The following SLC24A3 variants were observed in gnomAD, a reference collection of about 807,000 sequenced individuals.
The protein encoded by SLC24A3 is solute carrier family 24 member 3.
SLC24A3 carries 28 observed loss-of-function variants against 75.8 expected under a neutral mutation model. That is an observed-to-expected ratio of 0.37 (90% CI 0.27 to 0.51). The LOEUF (loss-of-function observed/expected upper bound fraction) is 0.51, where lower values mean the gene tolerates loss of function less well. SLC24A3 is among the 20% of genes least tolerant of loss of function. The pLI is 0.94. For synonymous variants in SLC24A3, 372 were observed against 334.1 expected (o/e 1.11, Z -1.24); for missense variants, 663 against 847.8 (o/e 0.78, Z 2.71).
Position 19,667,506 on chromosome 20 carries a change from C to T in SLC24A3, c.713+1617C>T, listed in dbSNP as rs529843863. Reference sequence around the variant, plus strand: ...CCGCCTTAGCAAACAGTAGGTGCTTCAACGTTGCTCAGTGGTGCTAGTCTT... The same window carrying T: ...CCGCCTTAGCAAACAGTAGGTGCTTTAACGTTGCTCAGTGGTGCTAGTCTT... On this transcript the variant is annotated intron_variant, in intron 8 of 16. Coordinates refer to ENST00000328041, the MANE Select transcript of SLC24A3 (RefSeq NM_020689.4). Among the ~76,000 whole-genome samples, 3 of 152,336 alleles carry T rather than the reference C, an allele frequency of 2.0e-5. No individual in the cohort carries two copies. In the South Asian group the frequency reaches 6.2e-4, roughly 32 times the overall value.
chr20:19,580,125 T>A, intron 4 of SLC24A3, 51 bp downstream of exon 4: 2 of 1,505,676 alleles, frequency 1.3e-6, no homozygotes, highest in Non-Finnish European at 1.8e-6. Flanking sequence ...GGACTGGACC[T>A]GTGCCCTGTA....
At chr20:19,342,387 A>T (rs1985291325) in intron 2 of SLC24A3, among the ~76,000 whole-genome samples, 1 of 152,256 alleles carries the variant, frequency 6.6e-6, no homozygotes, top group Non-Finnish European at 1.5e-5. Context: ...CAGTGTTCCA[A>T]AAATCAGGTC....
At chr20:19,602,595 C>G (rs2031541469) in intron 6 of SLC24A3, among the ~76,000 whole-genome samples, 1 of 152,194 alleles carries the variant, frequency 6.6e-6, no homozygotes. Context: ...AGAATCCAAG[C>G]CATAACACAC....
rs113827235 is a variant in SLC24A3 at position 19,384,580 on chromosome 20, G to A, written c.271+103493G>A. ...CTTTTCTTTACCTATTCATCTGTAG[G>A]TAGATGGACACTTAGGTTGATTCAG... On this transcript the variant is annotated intron_variant, in intron 2 of 16. Coordinates refer to ENST00000328041, the MANE Select transcript of SLC24A3 (RefSeq NM_020689.4). Among the ~76,000 whole-genome samples the A allele has an allele frequency of 5.4e-3, 824 of 152,190 alleles. 5 individuals are homozygous for A. The highest frequency in any genetic ancestry group is 0.019 in the African/African-American group (793 of 41,508).
chr20:19,633,444 T>C (rs1279171726), intron 6 of SLC24A3, among the ~76,000 whole-genome samples: 1 of 151,800 alleles, frequency 6.6e-6, no homozygotes, highest in Non-Finnish European at 1.5e-5. Context: ...GGTCAGGAGA[T>C]CGAGACCATC....
chr20:19,322,859 A>G (rs958851429), intron 2 of SLC24A3, among the ~76,000 whole-genome samples: 1 of 152,214 alleles, frequency 6.6e-6, no homozygotes, highest in African/African-American at 2.4e-5. Flanking sequence ...GACGGTAGAC[A>G]TAAAGACAGT....
chr20:19,431,853 T>C (rs1682508981), intron 2 of SLC24A3, among the ~76,000 whole-genome samples: 1 of 150,888 alleles, frequency 6.6e-6, no homozygotes, highest in Non-Finnish European at 1.5e-5. Context: ...CACCGAGAAA[T>C]GTCAGGGTTT....
chr20:19,618,312 G>T (rs1484628868), intron 6 of SLC24A3, among the ~76,000 whole-genome samples: 1 of 152,186 alleles, frequency 6.6e-6, no homozygotes, highest in Non-Finnish European at 1.5e-5. Flanking sequence ...ACTTCTGGAG[G>T]CTGGAAGTCT....
At chr20:19,582,781 C>T (rs533637693) in intron 4 of SLC24A3, among the ~76,000 whole-genome samples, 1 of 152,306 alleles carries the variant, frequency 6.6e-6, no homozygotes, top group East Asian at 1.9e-4. Context: ...GGGAGAGAGG[C>T]ATTTCAGGAA....
rs187083112 is a variant in SLC24A3 at position 19,468,348 on chromosome 20, A to G, written c.272-47140A>G. Reference sequence around the variant, plus strand: ...ATGTGGCAAGGATGGGGGAGCTGTCAGAGGAAAGCTCTCAAAAAGCCAAGG... The same window carrying G: ...ATGTGGCAAGGATGGGGGAGCTGTCGGAGGAAAGCTCTCAAAAAGCCAAGG... On this transcript the variant is annotated intron_variant, in intron 2 of 16. Transcript: ENST00000328041. 2.0e-3 allele frequency among the ~76,000 whole-genome samples: 308 copies of G among 152,190 alleles called. 2 individuals are homozygous for G. Among genetic ancestry groups the G allele is most frequent in the African/African-American group, 7.2e-3 (301 of 41,526 alleles).
In SLC24A3 at chr20:19,567,914, A is replaced by C. The variant is rs191421831; in HGVS notation, c.349-12086A>C. Among the ~76,000 whole-genome samples, 223 of 152,286 alleles carry C rather than the reference A, an allele frequency of 1.5e-3. 4 individuals carry two copies. The highest frequency in any genetic ancestry group is 4.3e-4 in the Non-Finnish European group (29 of 68,024). On this transcript the variant is annotated intron_variant, in intron 3 of 16. Transcript: ENST00000328041. ...AAGGGGTTAATATCCAGAATATATA[A>C]AGAGCCCTTACAAGCCAACAACCAA...
chr20:19,441,801 C>G (rs1404540713), intron 2 of SLC24A3, among the ~76,000 whole-genome samples: 4 of 152,066 alleles, frequency 2.6e-5, no homozygotes, highest in African/African-American at 9.7e-5. Flanking sequence ...GTTTAATTGC[C>G]CTAAAAATCC....
rs531546136 is a variant in SLC24A3, at chr20:19,368,067, AAAG to A, written c.271+86983_271+86985del. Among the ~76,000 whole-genome samples the A allele has an allele frequency of 1.6e-4, 25 of 152,308 alleles. No individual in the cohort carries two copies. The South Asian group carries it at 5.0e-3, about 30-fold the overall frequency. On this transcript the variant is annotated intron_variant, in intron 2 of 16. Coordinates refer to ENST00000328041, the MANE Select transcript of SLC24A3 (RefSeq NM_020689.4). ...GTTAATTTCAGGTAGTTATTGAAGT[AAAG>A]AATAGGGCTGTGAGGGTGTGTATGA...
intron 2 of SLC24A3, among the ~76,000 whole-genome samples, chr20:19,427,422 GA>G (rs1323928548): frequency 6.6e-6 from 1 of 152,128 alleles, no homozygotes; most frequent in African/African-American, 2.4e-5. Flanking sequence ...TCTGGAGGCT[GA>G]AAAAAATATA....
rs1466546107 is a variant in SLC24A3, at chr20:19,610,312, G to T, written c.612+24768G>T. Among the ~76,000 whole-genome samples the T allele has an allele frequency of 4.6e-5, 7 of 152,238 alleles. No individual in the cohort carries two copies. The East Asian group carries it at 1.4e-3, about 29-fold the overall frequency. On this transcript the variant is annotated intron_variant, in intron 6 of 16. Transcript: ENST00000328041. ...CTAGGTACAATTTTGCTTCTCCAAG[G>T]TGTACAACATTAATCTTAAAATAAA...
At chr20:19,463,139 A>G (rs1188492130) in intron 2 of SLC24A3, among the ~76,000 whole-genome samples, 1 of 152,224 alleles carries the variant, frequency 6.6e-6, no homozygotes, top group Non-Finnish European at 1.5e-5. Context: ...ATAGCTTTCA[A>G]TAACGGTGTG....
intron 1 of SLC24A3, among the ~76,000 whole-genome samples, chr20:19,233,034 G>C (rs1982066177): frequency 6.6e-6 from 1 of 152,192 alleles, no homozygotes. Context: ...GTCACATCAT[G>C]ACCTTTACTT....
intron 2 of SLC24A3, among the ~76,000 whole-genome samples, chr20:19,352,460 T>G (rs1468346900): frequency 2.0e-5 from 3 of 152,164 alleles, no homozygotes; most frequent in African/African-American, 7.2e-5. Flanking sequence ...CTGCTGTGAG[T>G]AGGTGCAGTG....
chr20:19,526,035 A>G (rs2030192898), intron 3 of SLC24A3, among the ~76,000 whole-genome samples: 1 of 152,034 alleles, frequency 6.6e-6, no homozygotes, highest in Non-Finnish European at 1.5e-5. Context: ...CCCAGCTTTG[A>G]CACTCCACCT....
Sources: allele counts gnomAD v4.1 joint callset (sites outside exome capture counted in the v4.1 genomes callset), GRCh38; gene constraint gnomAD v4.1.1; transcripts MANE v1.5; gene names NCBI Gene and HGNC (gene_info 2026-07-23, HGNC 2026-07-21).